BICC1: variants seen among roughly 807,000 people sequenced by gnomAD.
The protein encoded by BICC1 is protein bicaudal C homolog 1.
In BICC1, 43 loss-of-function variants were observed where a neutral mutation model predicts 111.0. That is an observed-to-expected ratio of 0.39 (90% CI 0.30 to 0.50). The LOEUF is 0.50. BICC1 is among the 20% of genes least tolerant of loss of function. The pLI is 0.88. For synonymous variants in BICC1, 467 were observed against 434.4 expected, an observed-to-expected ratio of 1.07 and a Z score of -0.93; for missense variants, 1,091 against 1,203.2, an observed-to-expected ratio of 0.91 and a Z score of 1.38.
At chr10:58,726,972 A>G (rs531752026) in intron 3 of BICC1, among the ~76,000 whole-genome samples, 19 of 152,294 alleles carry the variant, frequency 1.2e-4, no homozygotes, top group Non-Finnish European at 2.1e-4. Flanking sequence ...GGAGGGGTAT[A>G]TAGGTGGATG....
At chr10:58,692,310 C>T (rs1383539753) in intron 2 of BICC1, among the ~76,000 whole-genome samples, 17 of 152,104 alleles carry the variant, frequency 1.1e-4, no homozygotes, top group Admixed American at 1.1e-3. Context: ...ATTAGCTAAG[C>T]CTGCCTATAG....
At chr10:58,603,145 G>C (rs1175003711) in intron 1 of BICC1, among the ~76,000 whole-genome samples, 1 of 152,184 alleles carries the variant, frequency 6.6e-6, no homozygotes, top group Non-Finnish European at 1.5e-5. Flanking sequence ...ATAATGAGTT[G>C]TGCTAAACAC....
intron 1 of BICC1, among the ~76,000 whole-genome samples, chr10:58,611,908 A>G (rs2132109165): frequency 6.6e-6 from 1 of 152,348 alleles, no homozygotes; most frequent in South Asian, 2.1e-4. Flanking sequence ...GAAGAAAGCC[A>G]TCCTTAATCC....
rs1844219900 is a variant in BICC1 at position 58,820,380 on chromosome 10, G to T, written c.2706G>T (p.Gln902His). ...DVFQQQEIDL[Q>H]TFLTLTDQDL... Reference sequence around the variant, plus strand: ...CTTTCTACCCACAGATCGATCTTCAGACATTCCTCACTCTCACAGATCAGG... The same window carrying T: ...CTTTCTACCCACAGATCGATCTTCATACATTCCTCACTCTCACAGATCAGG... Residue 902 changes from glutamine (Q) to histidine (H), a missense_variant, in exon 20 of 21, where the codon CAG becomes CAT. Gln to His is a conservative substitution (Grantham distance 24). Transcript: ENST00000373886. 1 of 1,611,136 alleles carries T rather than the reference G, an allele frequency of 6.2e-7. No homozygotes were observed. The highest frequency in any genetic ancestry group is 1.1e-5 in the South Asian group (1 of 90,994).
At chr10:58,589,666 A>G (rs1844541056) in intron 1 of BICC1, among the ~76,000 whole-genome samples, 2 of 152,016 alleles carry the variant, frequency 1.3e-5, no homozygotes, top group South Asian at 4.1e-4. Context: ...GGTAGAGACA[A>G]GGTCTCGCTA....
intron 1 of BICC1, among the ~76,000 whole-genome samples, chr10:58,564,700 C>T (rs1843703883): frequency 6.6e-6 from 1 of 152,094 alleles, no homozygotes; most frequent in Admixed American, 6.6e-5. Context: ...TTGGGATGTC[C>T]CACAGCTTTA....
intron 11 of BICC1, 30 bp downstream of exon 11, chr10:58,798,590 G>A (rs368882985): frequency 2.0e-6 from 3 of 1,526,832 alleles, no homozygotes; most frequent in African/African-American, 1.4e-5. Flanking sequence ...ATTCCAAGTT[G>A]TGTATTCTTA....
chr10:58,570,153 T>C (rs980566879), intron 1 of BICC1, among the ~76,000 whole-genome samples: 2 of 152,226 alleles, frequency 1.3e-5, no homozygotes, highest in African/African-American at 4.8e-5. Flanking sequence ...CAGTAAGCAG[T>C]ACATAAGCAA....
At chr10:58,690,245 C>G (rs1052382207) in intron 2 of BICC1, among the ~76,000 whole-genome samples, 3 of 152,236 alleles carry the variant, frequency 2.0e-5, no homozygotes, top group Admixed American at 2.0e-4. Context: ...TTCCCAGCCA[C>G]CTTTCAGTTG....
At chr10:58,729,025 C>A (rs1404557693) in intron 3 of BICC1, among the ~76,000 whole-genome samples, 1 of 152,094 alleles carries the variant, frequency 6.6e-6, no homozygotes, top group Non-Finnish European at 1.5e-5. Context: ...TAGCATAATT[C>A]TTGAGGATTC....
intron 1 of BICC1, among the ~76,000 whole-genome samples, chr10:58,534,992 A>T (rs1842789375): frequency 6.6e-6 from 1 of 151,706 alleles, no homozygotes; most frequent in South Asian, 2.1e-4. Context: ...TAGAAGAAAC[A>T]ATTTCAGAGC....
At chr10:58,827,901 T>C (rs1474645308) in intron 20 of BICC1, among the ~76,000 whole-genome samples, 3 of 152,066 alleles carry the variant, frequency 2.0e-5, no homozygotes, top group South Asian at 2.1e-4. Flanking sequence ...TCCTCCTCCT[T>C]CTCAACCTAC....
At chr10:58,683,099 A>G (rs1384851984) in intron 2 of BICC1, among the ~76,000 whole-genome samples, 1 of 152,178 alleles carries the variant, frequency 6.6e-6, no homozygotes, top group East Asian at 1.9e-4. Flanking sequence ...CTTTCTACAT[A>G]TGGCTAGCCA....
chr10:58,612,706 T>A (rs1400866251), intron 1 of BICC1, among the ~76,000 whole-genome samples: 1 of 152,194 alleles, frequency 6.6e-6, no homozygotes, highest in Non-Finnish European at 1.5e-5. Flanking sequence ...CTTGCTCAAA[T>A]TCCAAAGGGG....
chr10:58,565,668 G>C (rs921243178), intron 1 of BICC1, among the ~76,000 whole-genome samples: 2 of 152,118 alleles, frequency 1.3e-5, no homozygotes, highest in African/African-American at 2.4e-5. Context: ...CTGTAAAACT[G>C]ATTAGTGTTC....
rs147951529 is a variant in BICC1 at position 58,775,121 on chromosome 10, C to T, written c.308-9880C>T. ...GGTGCGGTGGCTCATGCCTGTAATC[C>T]GAGCACTTTGGGAAGCCAAGCTGGG... On this transcript the variant is annotated intron_variant, in intron 3 of 20. Transcript: ENST00000373886. Among the ~76,000 whole-genome samples, 195 of 152,166 alleles carry T rather than the reference C, an allele frequency of 1.3e-3. No individual in the cohort carries two copies. In the East Asian group the frequency reaches 0.03, roughly 24 times the overall value.
At chr10:58,669,888 C>CT (rs1219081380) in intron 2 of BICC1, among the ~76,000 whole-genome samples, 1 of 152,100 alleles carries the variant, frequency 6.6e-6, no homozygotes, top group East Asian at 1.9e-4. Flanking sequence ...CATTAAAATT[C>CT]TTTGTCATTG....
At chr10:58,765,077 T>TTTTTG (rs570222849) in intron 3 of BICC1, among the ~76,000 whole-genome samples, 7 of 152,224 alleles carry the variant, frequency 4.6e-5, no homozygotes, top group East Asian at 3.9e-4. Flanking sequence ...TTTGTTTGTT[T>TTTTTG]TTTTGTTTTG....
chr10:58,543,591 C>T (rs1843053922), intron 1 of BICC1, among the ~76,000 whole-genome samples: 1 of 151,982 alleles, frequency 6.6e-6, no homozygotes, highest in Non-Finnish European at 1.5e-5. Context: ...CTCACTGCAA[C>T]CTTGAACTCC....
Sources: allele counts gnomAD v4.1 joint callset (sites outside exome capture counted in the v4.1 genomes callset), GRCh38; gene constraint gnomAD v4.1.1; transcripts MANE v1.5; gene names NCBI Gene and HGNC (gene_info 2026-07-23, HGNC 2026-07-21).